The following EPHA4 variants were observed in gnomAD, a reference collection of about 807,000 sequenced individuals.
EPHA4 encodes EPH receptor A4, also known as ephrin type-A receptor 4.
Under a neutral mutation model 108.3 loss-of-function variants are expected in EPHA4, and 19 were observed. That is an observed-to-expected ratio of 0.18 (90% confidence interval 0.12 to 0.26). The LOEUF (loss-of-function observed/expected upper bound fraction) is 0.26. Ranked by LOEUF, EPHA4 falls within the 10% of genes least tolerant of loss-of-function variation. The pLI is 1.00. For missense variants in EPHA4, 917 were observed against 1,254.0 expected (o/e 0.73, Z 4.06); for synonymous variants, 449 against 455.5 (o/e 0.99, Z 0.18).
At chr2:221,448,209 A>G (rs1188066150) in intron 8 of EPHA4, among the ~76,000 whole-genome samples, 2 of 142,334 alleles carry the variant, frequency 1.4e-5, no homozygotes, top group African/African-American at 5.1e-5. Flanking sequence ...ACACATGCTC[A>G]GATTCCCTGT....
At chr2:221,536,120 TG>T (rs1693662525) in intron 3 of EPHA4, among the ~76,000 whole-genome samples, 1 of 152,202 alleles carries the variant, frequency 6.6e-6, no homozygotes, top group Non-Finnish European at 1.5e-5. Context: ...TTCTTATCTT[TG>T]GCAAAAGAGC....
chr2:221,482,478 C>G lies in EPHA4; in HGVS notation c.1192G>C (p.Val398Leu). The change falls in exon 5 of 18, where the codon GTC (valine) becomes CTC (leucine). Residue 398 changes from valine to leucine, a missense_variant. Val to Leu is a conservative substitution (Grantham distance 32, BLOSUM62 1). Coordinates refer to ENST00000281821, the MANE Select transcript of EPHA4 (RefSeq NM_004438.5). ...TGAGCTAGGAGGTCAGTGATGGAGA[C>G]TTTGGTGGTCTTCAAGCCATTCTGC... The part of the protein sequence containing the change: ...PQQNGLKTTK[V>L]SITDLLAHTN... The G allele has an allele frequency of 1.2e-6, 2 of 1,614,110 alleles. No individual in the cohort carries two copies. Among genetic ancestry groups the G allele is most frequent in the Non-Finnish European group, 1.7e-6 (2 of 1,180,000 alleles).
intron 3 of EPHA4, among the ~76,000 whole-genome samples, chr2:221,520,331 G>A (rs938956677): frequency 2.0e-5 from 3 of 152,094 alleles, no homozygotes; most frequent in African/African-American, 7.2e-5. Context: ...CCTAAAATCA[G>A]CCAGTACCTT....
chr2:221,572,114 G>T (rs1352404932), intron 1 of EPHA4, 44 bp downstream of exon 1: 6 of 1,537,040 alleles, frequency 3.9e-6, no homozygotes, highest in Non-Finnish European at 5.4e-6. Flanking sequence ...ACCCGCGATG[G>T]CCCCTCGCTG....
chr2:221,437,320 T>C, intron 11 of EPHA4, 198 bp from the exon 12 acceptor site: 1 of 490,450 alleles, frequency 2.0e-6, no homozygotes, highest in Non-Finnish European at 3.6e-6. Context: ...AAATTCCATC[T>C]GGATAGTTAA....
chr2:221,545,176 G>A (rs889567365), intron 3 of EPHA4, among the ~76,000 whole-genome samples: 2 of 152,252 alleles, frequency 1.3e-5, no homozygotes, highest in South Asian at 2.1e-4. Context: ...GGCCGGGCGC[G>A]GTGGCTCACG....
chr2:221,509,022 T>C (rs1692723217), intron 3 of EPHA4, among the ~76,000 whole-genome samples: 1 of 152,188 alleles, frequency 6.6e-6, no homozygotes, highest in South Asian at 2.1e-4. Flanking sequence ...AACCTGATTG[T>C]TGTTAAAAAT....
rs538597518 is a variant in EPHA4, at chr2:221,571,470, G to T, written c.91+688C>A. On this transcript the variant is annotated intron_variant, in intron 1 of 17. Coordinates refer to ENST00000281821, the MANE Select transcript of EPHA4 (RefSeq NM_004438.5). The surrounding 1 kb of genome is among the most constrained non-coding windows in gnomAD (Gnocchi z 6.3). ...ACTGTGTGCAATTCTGGGGCGAAAA[G>T]CTAAAACTCGACTGCGTTCAACTTG... 1.9e-4 allele frequency among the ~76,000 whole-genome samples: 29 copies of T among 152,370 alleles called. No homozygotes were observed. The highest frequency in any genetic ancestry group is 6.5e-4 in the African/African-American group (27 of 41,590).
At chr2:221,471,348 G>A (rs2106130490) in intron 5 of EPHA4, among the ~76,000 whole-genome samples, 1 of 152,042 alleles carries the variant, frequency 6.6e-6, no homozygotes, top group East Asian at 1.9e-4. Context: ...AGCATAACTG[G>A]CTCCACCCAA....
chr2:221,480,743 G>A (rs1025703978), intron 5 of EPHA4, among the ~76,000 whole-genome samples: 1 of 152,198 alleles, frequency 6.6e-6, no homozygotes, highest in Non-Finnish European at 1.5e-5. Context: ...CAGAGCTGAA[G>A]ATACATTCCG....
At position 221,572,197 on chromosome 2, in the gene EPHA4, C is replaced by A. The variant is rs1408458706; in HGVS notation, c.52G>T (p.Asp18Tyr). 1 of 1,614,144 alleles carries A rather than the reference C, an allele frequency of 6.2e-7. No individual in the cohort carries two copies. The highest frequency in any genetic ancestry group is 8.5e-7 in the Non-Finnish European group (1 of 1,179,974). The change falls in exon 1 of 18, where the codon GAC (aspartate) becomes TAC (tyrosine). Residue 18 changes from aspartate (D) to tyrosine (Y), a missense_variant. Asp to Tyr is a radical substitution (Grantham distance 160). Around this residue, in one of 3 missense-constraint regions of EPHA4, gnomAD observed 758 missense variants for 1,076.7 expected, o/e 0.70. Coordinates refer to ENST00000281821, the MANE Select transcript of EPHA4 (RefSeq NM_004438.5). ...ALFSCLFGIC[D>Y]AVTGSRVYPA... is the part of the protein sequence containing the mutation. The stretch of plus-strand genomic sequence containing the variant: ...TATACCCTGGAACCTGTGACAGCGT[C>A]GCAAATCCCGAAGAGACACGAAAAT...
At chr2:221,553,106 A>T (rs987517835) in intron 3 of EPHA4, among the ~76,000 whole-genome samples, 2 of 152,200 alleles carry the variant, frequency 1.3e-5, no homozygotes, top group Admixed American at 6.5e-5. Flanking sequence ...TGCCTTTGTT[A>T]TCAGTTTATT....
chr2:221,511,046 A>C (rs1692811325), intron 3 of EPHA4, among the ~76,000 whole-genome samples: 1 of 152,200 alleles, frequency 6.6e-6, no homozygotes, highest in Non-Finnish European at 1.5e-5. Flanking sequence ...ATACAAAAGC[A>C]ATGAGGCCAC....
chr2:221,535,009 G>A (rs941715505), intron 3 of EPHA4, among the ~76,000 whole-genome samples: 1 of 152,178 alleles, frequency 6.6e-6, no homozygotes, highest in South Asian at 2.1e-4. Context: ...GCTTCTGCAC[G>A]TTCTCCATCG....
chr2:221,468,702 A>C, intron 5 of EPHA4, among the ~76,000 whole-genome samples: 1 of 152,220 alleles, frequency 6.6e-6, no homozygotes, highest in East Asian at 1.9e-4. Flanking sequence ...CTACATTTAC[A>C]GGCAGAAATA....
At position 221,482,829 on chromosome 2, in the gene EPHA4, G is replaced by A. The variant is rs918477915; in HGVS notation, c.980-139C>T. 11 of 687,186 alleles carry A rather than the reference G, an allele frequency of 1.6e-5. No homozygotes were observed. The African/African-American group carries it at 2.0e-4, about 12-fold the overall frequency. 42.6% of individuals were successfully genotyped at this position (687,186 alleles called of 1,614,324 possible). A position where few individuals can be genotyped will look rare whatever the true frequency, so the allele number is the denominator to read the frequency against. ...AGAAAGCAAAAAGCAAATCAAGCCAGCATAAAAGATCTTTTAAAAGAACAA... is the reference window on the plus strand; with the variant it reads ...AGAAAGCAAAAAGCAAATCAAGCCAACATAAAAGATCTTTTAAAAGAACAA... On this transcript the variant is annotated intron_variant, in intron 4 of 17. Coordinates refer to ENST00000281821, the MANE Select transcript of EPHA4 (RefSeq NM_004438.5).
At chr2:221,496,372 G>T (rs1019819299) in intron 4 of EPHA4, among the ~76,000 whole-genome samples, 2 of 152,186 alleles carry the variant, frequency 1.3e-5, no homozygotes, top group East Asian at 3.9e-4. Flanking sequence ...TGACTTTAAG[G>T]TTAAATAGCC....
chr2:221,460,749 C>T (rs1691113452), intron 5 of EPHA4, among the ~76,000 whole-genome samples: 1 of 152,158 alleles, frequency 6.6e-6, no homozygotes, highest in Non-Finnish European at 1.5e-5. Context: ...CATCACCCTA[C>T]TGTGTGTGCC....
chr2:221,470,575 A>G (rs564833162), intron 5 of EPHA4, among the ~76,000 whole-genome samples: 85 of 146,636 alleles, frequency 5.8e-4, no homozygotes, highest in Admixed American at 1.2e-3. Flanking sequence ...ACTTTAGGGA[A>G]CCTCTGCTTT....
Sources: allele counts gnomAD v4.1 joint callset (sites outside exome capture counted in the v4.1 genomes callset), GRCh38; gene constraint gnomAD v4.1.1; regional missense constraint gnomAD v4.1.1; non-coding constraint Gnocchi (gnomAD v3.1); transcripts MANE v1.5; gene names NCBI Gene and HGNC (gene_info 2026-07-23, HGNC 2026-07-21).